The following TBC1D16 variants were observed in gnomAD, a reference collection of about 807,000 sequenced individuals.
The protein encoded by TBC1D16 is TBC1 domain family member 16.
A neutral mutation model predicts 74.7 loss-of-function variants in TBC1D16; 58 were observed. The ratio of observed to expected loss-of-function variants is 0.78; its 90% CI spans 0.63 to 0.97. TBC1D16 has a LOEUF of 0.97. TBC1D16 is among the 50% of genes least tolerant of loss of function. TBC1D16 has a pLI of 0.00. For synonymous variants in TBC1D16, 493 were observed against 474.7 expected, an observed-to-expected ratio of 1.04 and a Z score of -0.50; for missense variants, 1,014 against 1,079.5, an observed-to-expected ratio of 0.94 and a Z score of 0.85.
chr17:80,035,693 C>G lies in TBC1D16; in HGVS notation c.-63+102G>C, dbSNP rs1386255516. 3.4e-5 allele frequency: 5 copies of G among 148,094 alleles called. No individual in the cohort carries two copies. Among genetic ancestry groups the G allele is most frequent in the African/African-American group, 9.8e-5 (4 of 40,982 alleles). 9.2% of individuals were successfully genotyped at this position (148,094 alleles called of 1,614,324 possible). ...CTGCAGGCCCACGCGCCCCACGCGC[C>G]CCGCGCGCCCCCGCCCCAGCTCCGC... On this transcript the variant is annotated intron_variant, in intron 1 of 11. Coordinates refer to ENST00000310924, the MANE Select transcript of TBC1D16 (RefSeq NM_019020.4). The surrounding 1 kb of genome is among the most constrained non-coding windows in gnomAD (Gnocchi z 5.3).
rs372089281 is a variant in TBC1D16 at position 79,951,330 on chromosome 17, C to A, written c.1089+120G>T. 171 of 1,266,512 alleles carry A rather than the reference C, an allele frequency of 1.4e-4. No homozygotes were observed. The East Asian group carries it at 3.4e-3, about 25-fold the overall frequency. The allele number at this position is 1,266,512 out of a possible 1,614,324, so 78.5% of individuals were successfully genotyped here. A position where few individuals can be genotyped will look rare whatever the true frequency, so the allele number is the denominator to read the frequency against. On this transcript the variant is annotated intron_variant, in intron 5 of 11. Transcript: ENST00000310924. ...CTGACGGCCAAAAACTACCGTGGGTCACACCCCGTAAGCCCCCGGGGCCCG... is the reference window on the plus strand; with the variant it reads ...CTGACGGCCAAAAACTACCGTGGGTAACACCCCGTAAGCCCCCGGGGCCCG...
chr17:79,974,383 C>T (rs1284100174), intron 3 of TBC1D16, among the ~76,000 whole-genome samples: 1 of 152,138 alleles, frequency 6.6e-6, no homozygotes, highest in Non-Finnish European at 1.5e-5. Flanking sequence ...GGATTACAGA[C>T]ATACACCACC....
intron 3 of TBC1D16, among the ~76,000 whole-genome samples, chr17:79,996,924 G>A (rs759176780): frequency 4.6e-5 from 7 of 152,176 alleles, no homozygotes; most frequent in Admixed American, 6.5e-5. Flanking sequence ...CCGTGAGCGC[G>A]TGGACCGTGG....
intron 7 of TBC1D16, 129 bp downstream of exon 7, chr17:79,949,588 C>T (rs2032865810): frequency 1.6e-6 from 2 of 1,221,142 alleles, no homozygotes; most frequent in Admixed American, 4.5e-5. Context: ...TCCTGGGAGA[C>T]CCATTTTTGA....
rs186437737 is a variant in TBC1D16, at chr17:79,952,073, C to G, written c.942-476G>C. 243 of 155,968 alleles carry G rather than the reference C, an allele frequency of 1.6e-3. 1 individual carries two copies. The highest frequency in any genetic ancestry group is 5.5e-3 in the African/African-American group (230 of 41,684). 9.7% of individuals were successfully genotyped at this position (155,968 alleles called of 1,614,324 possible). A position where few individuals can be genotyped will look rare whatever the true frequency, so the allele number is the denominator to read the frequency against. On this transcript the variant is annotated intron_variant, in intron 4 of 11. Transcript: ENST00000310924. ...GTCAGTGCTGTCAGCCCAGCCCCGG[C>G]TGCCCTTAGATGAAAGGCTGGAATG...
intron 1 of TBC1D16, among the ~76,000 whole-genome samples, chr17:80,030,374 C>T (rs1382356929): frequency 2.0e-5 from 3 of 152,110 alleles, no homozygotes; most frequent in Admixed American, 2.0e-4. Context: ...TGGGCCCCGA[C>T]GTCCCTGTGA....
intron 1 of TBC1D16, among the ~76,000 whole-genome samples, chr17:80,025,514 G>C (rs1376956131): frequency 2.0e-5 from 3 of 149,728 alleles, no homozygotes; most frequent in Non-Finnish European, 2.9e-5. Context: ...AATGCCCCCG[G>C]AGAGCCCTGG....
At chr17:80,025,120 GACAC>G (rs1568650021) in intron 1 of TBC1D16, among the ~76,000 whole-genome samples, 2 of 78,408 alleles carry the variant, frequency 2.6e-5, no homozygotes, top group African/African-American at 6.7e-5. Flanking sequence ...AAACACCACA[GACAC>G]ACACACACCA....
At chr17:79,946,149 C>T (rs1401256147) in intron 9 of TBC1D16, among the ~76,000 whole-genome samples, 1 of 152,236 alleles carries the variant, frequency 6.6e-6, no homozygotes, top group Admixed American at 6.5e-5. Context: ...CAGTCTATAG[C>T]AGCGGTCCCC....
Position 79,988,476 on chromosome 17 carries a change from C to T in TBC1D16, c.779+21684G>A, listed in dbSNP as rs556800752. 5.3e-5 allele frequency among the ~76,000 whole-genome samples: 8 copies of T among 152,380 alleles called. No homozygotes were observed. In the East Asian group the frequency reaches 9.7e-4, roughly 18 times the overall value. The stretch of plus-strand genomic sequence containing the variant: ...AGGGGCAGAGGGGGCAGCAACCGGA[C>T]GGAAGCTGCCCAATCATAAGACCAT... On this transcript the variant is annotated intron_variant, in intron 3 of 11. Transcript: ENST00000310924. This position sits in a 1 kb window ranked among gnomAD's most constrained non-coding sequence, Gnocchi z 5.7.
At chr17:79,972,696 T>C (rs1469619993) in intron 3 of TBC1D16, among the ~76,000 whole-genome samples, 6 of 151,898 alleles carry the variant, frequency 4.0e-5, no homozygotes, top group Non-Finnish European at 8.8e-5. Context: ...AGAGTTTCGG[T>C]TGGGAAGATG....
intron 9 of TBC1D16, among the ~76,000 whole-genome samples, chr17:79,945,901 C>CT (rs1447247071): frequency 1.4e-4 from 22 of 152,266 alleles, no homozygotes; most frequent in Non-Finnish European, 3.1e-4. Context: ...CACATGCCCC[C>CT]TTCCCACACA....
intron 3 of TBC1D16, among the ~76,000 whole-genome samples, chr17:80,003,070 G>C (rs2035551797): frequency 6.6e-6 from 1 of 152,188 alleles, no homozygotes; most frequent in Non-Finnish European, 1.5e-5. Flanking sequence ...GTGGGAAGCG[G>C]CTATGCTTGG....
chr17:80,031,067 C>A (rs1024279325), intron 1 of TBC1D16, among the ~76,000 whole-genome samples: 3 of 152,142 alleles, frequency 2.0e-5, no homozygotes, highest in Non-Finnish European at 4.4e-5. Flanking sequence ...TCCACCTGCC[C>A]AGAGCCAGGC....
chr17:79,938,537 G>A lies in TBC1D16; in HGVS notation c.*2322C>T, dbSNP rs867396996. 2.0e-5 allele frequency: 3 copies of A among 152,306 alleles called. No homozygotes were observed. Among genetic ancestry groups the A allele is most frequent in the Non-Finnish European group, 2.9e-5 (2 of 68,108 alleles). 9.4% of individuals were successfully genotyped at this position (152,306 alleles called of 1,614,324 possible). A position where few individuals can be genotyped will look rare whatever the true frequency, so the allele number is the denominator to read the frequency against. On this transcript the variant is annotated 3_prime_UTR_variant, in exon 12 of 12. Transcript: ENST00000310924. ...CCCAAACACAGCGGTTCAAAGGCAC[G>A]AGGTATCTAGTGAAATGCTAGGACC...
At chr17:80,003,644 TAAA>T (rs74270527) in intron 3 of TBC1D16, among the ~76,000 whole-genome samples, 1 of 132,688 alleles carries the variant, frequency 7.5e-6, no homozygotes, top group African/African-American at 2.8e-5. Flanking sequence ...AACAGAAAAG[TAAA>T]AAAAAAAAAA....
At chr17:79,942,697 C>T (rs920446828) in intron 10 of TBC1D16, among the ~76,000 whole-genome samples, 10 of 152,192 alleles carry the variant, frequency 6.6e-5, no homozygotes, top group African/African-American at 2.4e-4. Flanking sequence ...TCAGCCTGTC[C>T]TCCTGGCTCC....
At chr17:80,029,356 G>A (rs2036696873) in intron 1 of TBC1D16, among the ~76,000 whole-genome samples, 1 of 152,152 alleles carries the variant, frequency 6.6e-6, no homozygotes, top group Non-Finnish European at 1.5e-5. Flanking sequence ...GTTGGGAACT[G>A]GCCAGGCTGT....
intron 3 of TBC1D16, among the ~76,000 whole-genome samples, chr17:79,958,417 G>C (rs4889806): frequency 0.46 from 70,352 of 151,650 alleles, 16,573 homozygotes; most frequent in East Asian, 0.57. Flanking sequence ...ATGGGGTTTC[G>C]CCATGTTGGC....
Sources: allele counts gnomAD v4.1 joint callset (sites outside exome capture counted in the v4.1 genomes callset), GRCh38; gene constraint gnomAD v4.1.1; non-coding constraint Gnocchi (gnomAD v3.1); transcripts MANE v1.5; gene names NCBI Gene and HGNC (gene_info 2026-07-23, HGNC 2026-07-21).